Variants in SUSD4 observed in about 807,000 individuals in gnomAD.
The protein encoded by SUSD4 is sushi domain-containing protein 4.
Under a neutral mutation model 50.5 loss-of-function variants are expected in SUSD4, and 41 were observed. The ratio of observed to expected loss-of-function variants is 0.81; its 90% CI spans 0.63 to 1.05. SUSD4 has a LOEUF of 1.05. Ranked by LOEUF, SUSD4 falls within the 50% of genes least tolerant of loss-of-function variation. The probability of loss-of-function intolerance (pLI) is 0.00; values close to 1 mark genes in which losing one functional copy is unlikely to be tolerated. For missense variants in SUSD4, 580 were observed against 634.7 expected (o/e 0.91, Z 0.93); for synonymous variants, 257 against 257.3 (o/e 1.00, Z 0.01).
chr1:223,306,944 T>C (rs80144743), intron 2 of SUSD4, among the ~76,000 whole-genome samples: 2,192 of 138,784 alleles, frequency 0.016, 51 homozygotes, highest in African/African-American at 0.059. Flanking sequence ...ATGAGGCATA[T>C]GGATGAGTTT....
chr1:223,262,060 C>T (rs1662162144), intron 5 of SUSD4, among the ~76,000 whole-genome samples: 1 of 152,150 alleles, frequency 6.6e-6, no homozygotes, highest in African/African-American at 2.4e-5. Context: ...ATGCTATGCT[C>T]CCTCCATGAC....
intron 5 of SUSD4, among the ~76,000 whole-genome samples, chr1:223,243,087 C>T (rs760972650): frequency 1.6e-4 from 25 of 152,036 alleles, no homozygotes; most frequent in African/African-American, 4.8e-4. Context: ...GATGGGCAGC[C>T]GGGTGACAGT....
In SUSD4 at chr1:223,227,411, A is replaced by T. The variant is rs1021909405; in HGVS notation, c.1061+183T>A. The stretch of plus-strand genomic sequence containing the variant: ...GAAGGAGGGAGAGAGGTAGGAAAGA[A>T]AGAAAGAGGAAAATGAGGTCTGTCT... On this transcript the variant is annotated intron_variant, in intron 7 of 8. Coordinates refer to ENST00000366878, the MANE Select transcript of SUSD4 (RefSeq NM_017982.4). The surrounding 1 kb of genome is among the most constrained non-coding windows in gnomAD (Gnocchi z 4.5). Among the ~76,000 whole-genome samples, 1 of 152,198 alleles carries T rather than the reference A, an allele frequency of 6.6e-6. No individual in the cohort carries two copies. Among genetic ancestry groups the T allele is most frequent in the African/African-American group, 2.4e-5 (1 of 41,442 alleles).
chr1:223,220,880 T>C lies in SUSD4; in HGVS notation c.*1312A>G. On this transcript the variant is annotated 3_prime_UTR_variant, in exon 9 of 9. Coordinates refer to ENST00000366878, the MANE Select transcript of SUSD4 (RefSeq NM_017982.4). The stretch of plus-strand genomic sequence containing the variant: ...TGTGTCAAGAAGAAACAGGACTTGA[T>C]CAAGCTTCCAGCCCTCACCACTCTA... 2.5e-6 allele frequency: 1 copy of C among 398,306 alleles called. No individual in the cohort carries two copies. The highest frequency in any genetic ancestry group is 4.4e-6 in the Non-Finnish European group (1 of 225,402). The allele number at this position is 398,306 out of a possible 1,614,324, so 24.7% of individuals were successfully genotyped here.
At chr1:223,320,172 T>G (rs1558247212) in intron 2 of SUSD4, among the ~76,000 whole-genome samples, 1 of 152,110 alleles carries the variant, frequency 6.6e-6, no homozygotes, top group Non-Finnish European at 1.5e-5. Flanking sequence ...TACACTTTTG[T>G]CCTTTAAAAA....
At chr1:223,364,517 C>T (rs1404577596), upstream of SUSD4, among the ~76,000 whole-genome samples, 1 of 149,732 alleles carries the variant, frequency 6.7e-6, no homozygotes, top group Non-Finnish European at 1.5e-5. This position sits in a 1 kb window ranked among gnomAD's most constrained non-coding sequence, Gnocchi z 4.5. Flanking sequence ...GCCCGCGCGC[C>T]TGCACCTGTC....
rs184508531 is a variant in SUSD4 at position 223,242,146 on chromosome 1, A to G, written c.725-12758T>C. Reference sequence around the variant, plus strand: ...TTTGTAGAGACAGGGTTTCACCATGATGCTCAGGCTGGTCTTGAACTCCTA... The same window carrying G: ...TTTGTAGAGACAGGGTTTCACCATGGTGCTCAGGCTGGTCTTGAACTCCTA... On this transcript the variant is annotated intron_variant, in intron 5 of 8. Transcript: ENST00000366878. 4.7e-3 allele frequency among the ~76,000 whole-genome samples: 709 copies of G among 152,144 alleles called. 22 individuals are homozygous for G. The highest frequency in any genetic ancestry group is 0.03 in the Admixed American group (465 of 15,272).
intron 3 of SUSD4, among the ~76,000 whole-genome samples, chr1:223,283,498 C>CA (rs1180721928): frequency 6.6e-6 from 1 of 152,148 alleles, no homozygotes; most frequent in Non-Finnish European, 1.5e-5. Flanking sequence ...CATCACTGGC[C>CA]ATCAGAGAAA....
At chr1:223,233,556 A>AGACG (rs1482050311) in intron 5 of SUSD4, among the ~76,000 whole-genome samples, 2 of 152,170 alleles carry the variant, frequency 1.3e-5, no homozygotes, top group African/African-American at 4.8e-5. Context: ...ACAGACAGAC[A>AGACG]GACGGATGGA....
intron 4 of SUSD4, among the ~76,000 whole-genome samples, chr1:223,267,416 AG>A (rs1187358209): frequency 1.3e-5 from 2 of 152,178 alleles, no homozygotes; most frequent in Non-Finnish European, 2.9e-5. Context: ...ACGGATCAGC[AG>A]GTAATAAAGT....
At chr1:223,249,062 C>G (rs1243998653) in intron 5 of SUSD4, among the ~76,000 whole-genome samples, 1 of 152,194 alleles carries the variant, frequency 6.6e-6, no homozygotes, top group East Asian at 1.9e-4. Flanking sequence ...ATAGGAGCCA[C>G]AGTGGCTACA....
intron 4 of SUSD4, 122 bp downstream of exon 4, chr1:223,268,380 T>C: frequency 7.7e-7 from 1 of 1,294,546 alleles, no homozygotes; most frequent in Non-Finnish European, 1.0e-6. Flanking sequence ...CCATGTGGGG[T>C]AGATGGCTTT....
At chr1:223,293,891 A>C (rs778974170) in intron 2 of SUSD4, among the ~76,000 whole-genome samples, 8 of 151,758 alleles carry the variant, frequency 5.3e-5, no homozygotes, top group Non-Finnish European at 8.8e-5. Context: ...TTTTCAACTG[A>C]CTAGATGTTG....
At chr1:223,230,083 G>A (rs1226383305) in intron 5 of SUSD4, among the ~76,000 whole-genome samples, 2 of 152,148 alleles carry the variant, frequency 1.3e-5, no homozygotes, top group East Asian at 3.9e-4. Context: ...TACCCTAGGA[G>A]GACGCCTTAG....
At chr1:223,234,080 C>T (rs1424945954) in intron 5 of SUSD4, among the ~76,000 whole-genome samples, 1 of 152,182 alleles carries the variant, frequency 6.6e-6, no homozygotes, top group East Asian at 1.9e-4. Context: ...CCAGTTTTTA[C>T]CATACTTAGT....
chr1:223,223,406 G>A lies in SUSD4; in HGVS notation c.1287C>T (p.Thr429=), dbSNP rs982540552. ...CAGAAGAGCCTGAGACGCTGTCACAGGTTTCTGACTCCCCTGGGCCTGTGT... is the reference window on the plus strand; with the variant it reads ...CAGAAGAGCCTGAGACGCTGTCACAAGTTTCTGACTCCCCTGGGCCTGTGT... The part of the protein sequence containing the change: ...DTDTGPGESE[T]CDSVSGSSEL... The change falls in exon 8 of 9, where the codon ACC becomes ACT. Residue 429 remains threonine, a synonymous_variant. Transcript: ENST00000366878. 3.1e-6 allele frequency: 5 copies of A among 1,613,906 alleles called. No homozygotes were observed. Among genetic ancestry groups the A allele is most frequent in the Non-Finnish European group, 4.2e-6 (5 of 1,179,886 alleles).
chr1:223,274,339 A>G (rs1201254610), intron 3 of SUSD4, among the ~76,000 whole-genome samples: 1 of 152,206 alleles, frequency 6.6e-6, no homozygotes, highest in East Asian at 1.9e-4. Context: ...CTGGAGAGAG[A>G]GGATGCTTCA....
At chr1:223,339,672 A>G (rs1667646562) in intron 2 of SUSD4, among the ~76,000 whole-genome samples, 1 of 152,192 alleles carries the variant, frequency 6.6e-6, no homozygotes, top group African/African-American at 2.4e-5. Context: ...ATCCTCCCAG[A>G]TCTACCTTCT....
At chr1:223,251,431 G>C (rs1021332203) in intron 5 of SUSD4, among the ~76,000 whole-genome samples, 2 of 152,164 alleles carry the variant, frequency 1.3e-5, no homozygotes, top group African/African-American at 2.4e-5. Context: ...AGCCCTTCAT[G>C]AGGGATCCAC....
Sources: gnomAD v4.1 joint callset for allele counts (sites outside exome capture counted in the v4.1 genomes callset) on GRCh38, gnomAD v4.1.1 for gene constraint, Gnocchi (gnomAD v3.1) non-coding constraint, MANE v1.5 for transcripts, NCBI Gene and HGNC (gene_info 2026-07-23, HGNC 2026-07-21) for gene names.